MUC17: variants seen among roughly 807,000 people sequenced by gnomAD.
The protein encoded by MUC17 is mucin 17, cell surface associated, also known as mucin-17.
A neutral mutation model predicts 170.3 loss-of-function variants in MUC17; 190 were observed. The ratio of observed to expected loss-of-function variants is 1.12; its 90% CI spans 0.99 to 1.26. MUC17 has a LOEUF of 1.26. Ranked by LOEUF, MUC17 falls within the 50% of genes most tolerant of loss-of-function variation. MUC17 has a pLI of 0.00. For missense variants in MUC17, 6,415 were observed against 5,530.0 expected (o/e 1.16, Z -5.08); for synonymous variants, 2,325 against 2,002.5 (o/e 1.16, Z -4.30).
Position 101,037,058 on chromosome 7 carries a change from G to C in MUC17, c.5642G>C (p.Ser1881Thr), listed in dbSNP as rs371778779. Reference protein sequence around the residue: ...SIPVSTTTVASSETNTLSTTP... With the variant: ...SIPVSTTTVATSETNTLSTTP... ...CCTGTCAGCACCACAACAGTGGCCAGTTCTGAAACCAACACCCTTTCAACA... is the reference window on the plus strand; with the variant it reads ...CCTGTCAGCACCACAACAGTGGCCACTTCTGAAACCAACACCCTTTCAACA... The change falls in exon 3 of 13, where the codon AGT becomes ACT. Residue 1881 changes from serine to threonine, a missense_variant. Physicochemically the swap from Ser to Thr is moderately conservative, Grantham distance 58. Transcript: ENST00000306151. The C allele has an allele frequency of 1.4e-5, 22 of 1,582,312 alleles. No homozygotes were observed. The highest frequency in any genetic ancestry group is 5.2e-5 in the Admixed American group (3 of 58,068).
rs1424622195 is a variant in MUC17, at chr7:101,053,023, AC to A, written c.13143del (p.Cys4382ValfsTer20). ...TTETHWYSGE[T>X]CNQGTQKSLV... is the part of the protein sequence containing the mutation. ...GGAAACTCACTGGTACAGTGGGGAG[AC>A]CTGTAACCAGGGCACCCAGAAGAGT... On this transcript the variant is annotated frameshift_variant, in exon 10 of 13. Coordinates refer to ENST00000306151, the MANE Select transcript of MUC17 (RefSeq NM_001040105.2). LOFTEE classifies it high-confidence loss of function. The A allele has an allele frequency of 1.2e-6, 2 of 1,613,940 alleles. No homozygotes were observed. The highest frequency in any genetic ancestry group is 1.7e-6 in the Non-Finnish European group (2 of 1,180,016).
At chr7:101,046,094 T>A (rs1488118230) in intron 3 of MUC17, among the ~76,000 whole-genome samples, 1 of 152,184 alleles carries the variant, frequency 6.6e-6, no homozygotes, top group Admixed American at 6.5e-5. Flanking sequence ...AGGAGACTGA[T>A]TTAGGATGTA....
At chr7:101,051,364 CAAAAAAAAA>C (rs398005597) in intron 7 of MUC17, among the ~76,000 whole-genome samples, 7 of 52,150 alleles carry the variant, frequency 1.3e-4, no homozygotes, top group South Asian at 2.3e-3. Flanking sequence ...TACTCCATCT[CAAAAAAAAA>C]AAAAAAAAAA....
In MUC17 at chr7:101,038,966, T is replaced by G; in HGVS notation, c.7550T>G (p.Leu2517Ter). 1 of 1,614,006 alleles carries G rather than the reference T, an allele frequency of 6.2e-7. No individual in the cohort carries two copies. Among genetic ancestry groups the G allele is most frequent in the Non-Finnish European group, 8.5e-7 (1 of 1,179,994 alleles). Residue 2517 changes from leucine (L) to a stop codon, truncating the protein, a stop_gained, in exon 3 of 13, where the codon TTA becomes TGA. Coordinates refer to ENST00000306151, the MANE Select transcript of MUC17 (RefSeq NM_001040105.2). LOFTEE classifies it high-confidence loss of function. The part of the protein sequence containing the change: ...ISTASEGSTL[L>*]TSIPVSTTPV... ...ACTGCTAGTGAAGGAAGTACTCTAT[T>G]AACAAGTATACCTGTCAGCACCACG...
chr7:101,031,989 T>A lies in MUC17; in HGVS notation c.573T>A (p.Ser191=), dbSNP rs754012525. ...KVDMSTPLTT[S]TQASSSPTTP... is the part of the protein sequence containing the mutation. ...ATATGAGCACACCTCTGACCACTTCTACTCAGGCAAGTTCATCTCCTACTA... is the reference window on the plus strand; with the variant it reads ...ATATGAGCACACCTCTGACCACTTCAACTCAGGCAAGTTCATCTCCTACTA... Residue 191 remains serine (S), a synonymous_variant, in exon 3 of 13, where the codon TCT becomes TCA. Transcript: ENST00000306151. The A allele has an allele frequency of 1.6e-5, 26 of 1,614,116 alleles. No individual in the cohort carries two copies. The Middle Eastern group carries it at 4.9e-4, about 31-fold the overall frequency.
chr7:101,039,274 G>T lies in MUC17; in HGVS notation c.7858G>T (p.Asp2620Tyr). The T allele has an allele frequency of 1.2e-6, 2 of 1,613,084 alleles. No individual in the cohort carries two copies. The highest frequency in any genetic ancestry group is 1.1e-5 in the South Asian group (1 of 91,010). ...ETSSSPTTAKDTSMPISTPSE... is the reference protein window; with the variant it reads ...ETSSSPTTAKYTSMPISTPSE... Reference sequence around the variant, plus strand: ...CAGTTCATCTCCTACAACTGCAAAAGATACCAGCATGCCAATCTCAACTCC... The same window carrying T: ...CAGTTCATCTCCTACAACTGCAAAATATACCAGCATGCCAATCTCAACTCC... Residue 2620 changes from aspartate to tyrosine, a missense_variant, in exon 3 of 13, where the codon GAT (aspartate) becomes TAT (tyrosine). By Grantham distance (160) the Asp-to-Tyr change is radical. Transcript: ENST00000306151.
rs773359976 is a variant in MUC17 at position 101,043,263 on chromosome 7, T to C, written c.11847T>C (p.Ser3949=). The C allele has an allele frequency of 6.2e-6, 10 of 1,614,058 alleles. No homozygotes were observed. The Admixed American group carries it at 1.5e-4, about 24-fold the overall frequency. Residue 3949 remains serine (S), a synonymous_variant, in exon 3 of 13, where the codon TCT becomes TCC. Coordinates refer to ENST00000306151, the MANE Select transcript of MUC17 (RefSeq NM_001040105.2). ...TTCCCAGCACTCCTGTCACCAGTTCTACTGCTGATGTCTTTCCTGCAACAA... is the reference window on the plus strand; with the variant it reads ...TTCCCAGCACTCCTGTCACCAGTTCCACTGCTGATGTCTTTCCTGCAACAA... ...IFIPSTPVTS[S]TADVFPATTG...
At position 101,034,982 on chromosome 7, in the gene MUC17, C is replaced by A. The variant is rs746249043; in HGVS notation, c.3566C>A (p.Thr1189Asn). The A allele has an allele frequency of 6.2e-7, 1 of 1,613,718 alleles. No individual in the cohort carries two copies. Among genetic ancestry groups the A allele is most frequent in the Non-Finnish European group, 8.5e-7 (1 of 1,179,896 alleles). Residue 1189 changes from threonine (T) to asparagine (N), a missense_variant, in exon 3 of 13, where the codon ACT becomes AAT. Thr to Asn is a moderately conservative substitution (Grantham distance 65). Transcript: ENST00000306151. ...TCAACAACTCCTGTGGACTCCAAAA[C>A]TCAGGTGGCCACTTCTACTGAAGCC... is the stretch of plus-strand genomic sequence containing the variant. ...TLSTTPVDSK[T>N]QVATSTEASS...
rs200439452 is a variant in MUC17, at chr7:101,043,006, A to C, written c.11590A>C (p.Ile3864Leu). The C allele has an allele frequency of 1.9e-6, 3 of 1,613,994 alleles. No homozygotes were observed. The Admixed American group carries it at 5.0e-5, about 27-fold the overall frequency. ...SFSIPAEVTT[I>L]RISITSERST... The stretch of plus-strand genomic sequence containing the variant: ...CTCCATACCTGCTGAAGTCACTACC[A>C]TACGTATTTCAATTACCAGTGAAAG... Residue 3864 changes from isoleucine to leucine, a missense_variant, in exon 3 of 13, where the codon ATA becomes CTA. Coordinates refer to ENST00000306151, the MANE Select transcript of MUC17 (RefSeq NM_001040105.2).
At position 101,043,397 on chromosome 7, in the gene MUC17, C is replaced by T; in HGVS notation, c.11981C>T (p.Pro3994Leu). The T allele has an allele frequency of 6.2e-7, 1 of 1,614,140 alleles. No homozygotes were observed. Among genetic ancestry groups the T allele is most frequent in the Non-Finnish European group, 8.5e-7 (1 of 1,180,038 alleles). Reference sequence around the variant, plus strand: ...TCAACTACTAAGGAATTTACAACACCCGCAATGACTACTGCAGCTCCCCTC... The same window carrying T: ...TCAACTACTAAGGAATTTACAACACTCGCAATGACTACTGCAGCTCCCCTC... ...SFSTTKEFTTPAMTTAAPLTY... is the reference protein window; with the variant it reads ...SFSTTKEFTTLAMTTAAPLTY... Residue 3994 changes from proline to leucine, a missense_variant, in exon 3 of 13, where the codon CCC (proline) becomes CTC (leucine). Pro to Leu is a moderately conservative substitution (Grantham distance 98). Coordinates refer to ENST00000306151, the MANE Select transcript of MUC17 (RefSeq NM_001040105.2).
rs1794371760 is a variant in MUC17, at chr7:101,033,915, C to T, written c.2499C>T (p.Ser833=). The change falls in exon 3 of 13, where the codon TCC becomes TCT. Residue 833 remains serine (S), a synonymous_variant. Coordinates refer to ENST00000306151, the MANE Select transcript of MUC17 (RefSeq NM_001040105.2). ...CCCTTTCAACAACTCCTGTTGACTC[C>T]AACAGTCCTGTGACCACTTCTACTG... The part of the protein sequence containing the change: ...ASTLSTTPVD[S]NSPVTTSTEV... 1 of 1,613,508 alleles carries T rather than the reference C, an allele frequency of 6.2e-7. No individual in the cohort carries two copies. Among genetic ancestry groups the T allele is most frequent in the Non-Finnish European group, 8.5e-7 (1 of 1,179,752 alleles).
Position 101,058,065 on chromosome 7 carries a change from G to T in MUC17, c.*21G>T. ...TTTAAGGCATGGAGCTGAGAAGTCT[G>T]GGAGTGAGGAGATCCCAGTCCGGCT... On this transcript the variant is annotated 3_prime_UTR_variant, in exon 13 of 13. Coordinates refer to ENST00000306151, the MANE Select transcript of MUC17 (RefSeq NM_001040105.2). 1 of 1,611,954 alleles carries T rather than the reference G, an allele frequency of 6.2e-7. No homozygotes were observed. The highest frequency in any genetic ancestry group is 1.1e-5 in the South Asian group (1 of 90,950).
At position 101,038,567 on chromosome 7, in the gene MUC17, A is replaced by G. The variant is rs769168757; in HGVS notation, c.7151A>G (p.Asp2384Gly). 2.5e-6 allele frequency: 4 copies of G among 1,613,184 alleles called. No homozygotes were observed. Among genetic ancestry groups the G allele is most frequent in the Non-Finnish European group, 2.5e-6 (3 of 1,179,804 alleles). Residue 2384 changes from aspartate (D) to glycine (G), a missense_variant, in exon 3 of 13, where the codon GAT (aspartate) becomes GGT (glycine). By Grantham distance (94) the Asp-to-Gly change is moderately conservative. Coordinates refer to ENST00000306151, the MANE Select transcript of MUC17 (RefSeq NM_001040105.2). ...QAGSSPTTAD[D>G]TSMPTSTYSE... is the part of the protein sequence containing the mutation. ...GGTTCATCTCCTACAACTGCTGACG[A>G]TACTAGCATGCCAACCTCAACTTAT...
At chr7:101,043,889 G>T in intron 3 of MUC17, 70 bp downstream of exon 3, 3 of 1,422,418 alleles carry the variant, frequency 2.1e-6, no homozygotes, top group Non-Finnish European at 2.9e-6. Flanking sequence ...TGTGCACAAC[G>T]TGCAGGTTTG....
intron 1 of MUC17, among the ~76,000 whole-genome samples, chr7:101,029,556 G>C (rs1040360302): frequency 1.3e-5 from 2 of 151,796 alleles, no homozygotes; most frequent in Non-Finnish European, 2.9e-5. Flanking sequence ...TACCTTGTTG[G>C]GTGCTGGGAA....
chr7:101,054,364 T>A (rs1795012110), intron 11 of MUC17, among the ~76,000 whole-genome samples: 1 of 151,188 alleles, frequency 6.6e-6, no homozygotes, highest in African/African-American at 2.5e-5. Context: ...AACATTAGAT[T>A]TTGCTAGGTT....
In MUC17 at chr7:101,037,001, C is replaced by G. The variant is rs1562810840; in HGVS notation, c.5585C>G (p.Pro1862Arg). ...GGTACCAGCATAGCAACCTCAACGC[C>G]TAGTGAAGGAAGCACTGCATTAACA... Reference protein sequence around the residue: ...AEGTSIATSTPSEGSTALTSI... With the variant: ...AEGTSIATSTRSEGSTALTSI... The change falls in exon 3 of 13, where the codon CCT becomes CGT. Residue 1862 changes from proline (P) to arginine (R), a missense_variant. Pro to Arg is a moderately radical substitution (Grantham distance 103, BLOSUM62 -2). Transcript: ENST00000306151. The G allele has an allele frequency of 6.3e-6, 10 of 1,584,070 alleles. No homozygotes were observed. The highest frequency in any genetic ancestry group is 7.6e-6 in the Non-Finnish European group (9 of 1,179,054).
In MUC17 at chr7:101,051,755, C is replaced by A. The variant is rs754704632; in HGVS notation, c.12944-48C>A. 1.0e-4 allele frequency: 166 copies of A among 1,605,550 alleles called. No individual in the cohort carries two copies. The Admixed American group carries it at 2.7e-3, about 26-fold the overall frequency. On this transcript the variant is annotated intron_variant, in intron 8 of 12. Coordinates refer to ENST00000306151, the MANE Select transcript of MUC17 (RefSeq NM_001040105.2). The stretch of plus-strand genomic sequence containing the variant: ...CCCAGGAGGAGTGGGACAGTGTCCC[C>A]CCAGCCCTCTGATCACGGCTGTTCC...
At chr7:101,030,201 T>C (rs1794253011) in intron 1 of MUC17, among the ~76,000 whole-genome samples, 1 of 151,696 alleles carries the variant, frequency 6.6e-6, no homozygotes, top group South Asian at 2.1e-4. Flanking sequence ...CACTCACTTA[T>C]ATATTTCAAA....
Sources: allele counts gnomAD v4.1 joint callset (sites outside exome capture counted in the v4.1 genomes callset), GRCh38; gene constraint gnomAD v4.1.1; transcripts MANE v1.5; gene names NCBI Gene and HGNC (gene_info 2026-07-23, HGNC 2026-07-21).